Variants in IGSF23 observed in about 807,000 individuals in gnomAD.
IGSF23 encodes immunoglobulin superfamily, member 23.
Under a neutral mutation model 17.8 loss-of-function variants are expected in IGSF23, and 14 were observed. The observed-to-expected ratio is 0.79, with a 90% CI of 0.52 to 1.23. The LOEUF (loss-of-function observed/expected upper bound fraction) is 1.23. IGSF23 is among the 50% of genes most tolerant of loss of function. IGSF23 has a pLI of 0.00. For missense variants in IGSF23, 214 were observed against 241.7 expected, an observed-to-expected ratio of 0.89 and a Z score of 0.76; for synonymous variants, 85 against 92.5, an observed-to-expected ratio of 0.92 and a Z score of 0.46.
At chr19:44,615,603 A>C (rs1034257373) in intron 1 of IGSF23, among the ~76,000 whole-genome samples, 3 of 151,470 alleles carry the variant, frequency 2.0e-5, no homozygotes, top group Non-Finnish European at 2.9e-5. Flanking sequence ...AGCCTGAGCA[A>C]CAAGAGCGAA....
chr19:44,616,549 T>A (rs1416910258), intron 1 of IGSF23, among the ~76,000 whole-genome samples: 1 of 151,664 alleles, frequency 6.6e-6, no homozygotes, highest in Admixed American at 6.6e-5. Context: ...ACAAAAAAAT[T>A]AGCTGGGCGT....
In IGSF23 at chr19:44,613,598, G is replaced by A. The variant is rs1475759374; in HGVS notation, c.-48G>A. On this transcript the variant is annotated 5_prime_UTR_variant, in exon 1 of 5. Transcript: ENST00000402988. ...TTTGATGTGAGTGATAGGAGCGGGC[G>A]ATTCTGCTTCTCCCTCCATCTCCCG... is the stretch of plus-strand genomic sequence containing the variant. The A allele has an allele frequency of 1.4e-5, 21 of 1,503,708 alleles. No homozygotes were observed. Among genetic ancestry groups the A allele is most frequent in the Middle Eastern group, 1.7e-4 (1 of 5,802 alleles). 93.1% of individuals were successfully genotyped at this position (1,503,708 alleles called of 1,614,324 possible).
At chr19:44,629,769 G>A (rs1473236438) in intron 3 of IGSF23, among the ~76,000 whole-genome samples, 1 of 151,662 alleles carries the variant, frequency 6.6e-6, no homozygotes. Flanking sequence ...AAGTAGCTGG[G>A]ACTACAGGCG....
chr19:44,627,343 G>A, intron 2 of IGSF23, 77 bp from the exon 3 acceptor site: 2 of 1,366,234 alleles, frequency 1.5e-6, no homozygotes, highest in Non-Finnish European at 2.0e-6. Context: ...ACTTGGGAGG[G>A]GGAATGGCAG....
In IGSF23 at chr19:44,629,056, C is replaced by A. The variant is rs1370467099; in HGVS notation, c.545+1483C>A. Among the ~76,000 whole-genome samples, 3 of 152,182 alleles carry A rather than the reference C, an allele frequency of 2.0e-5. No individual in the cohort carries two copies. The East Asian group carries it at 5.8e-4, about 29-fold the overall frequency. On this transcript the variant is annotated intron_variant, in intron 3 of 4. Coordinates refer to ENST00000402988, the MANE Select transcript of IGSF23 (RefSeq NM_001205280.2). The stretch of plus-strand genomic sequence containing the variant: ...TGGCCAGAGTGGTGTGAAGAATGGG[C>A]AGAGAAGTAACATGTGGGTCAGAGA...
chr19:44,614,707 C>T (rs1972330683), intron 1 of IGSF23, among the ~76,000 whole-genome samples: 2 of 152,086 alleles, frequency 1.3e-5, no homozygotes, highest in Non-Finnish European at 2.9e-5. Flanking sequence ...GCCAGGATTA[C>T]AGGCGTGAGC....
At position 44,635,010 on chromosome 19, in the gene IGSF23, G is replaced by C. The variant is rs568598144; in HGVS notation, c.546-391G>C. On this transcript the variant is annotated intron_variant, in intron 3 of 4. Coordinates refer to ENST00000402988, the MANE Select transcript of IGSF23 (RefSeq NM_001205280.2). ...CTGTAACAAAAATGCTACAGACCGGGGGGGCTTAAACAACAAAAATTTATT... is the reference window on the plus strand; with the variant it reads ...CTGTAACAAAAATGCTACAGACCGGCGGGGCTTAAACAACAAAAATTTATT... Among the ~76,000 whole-genome samples the C allele has an allele frequency of 5.9e-5, 9 of 152,198 alleles. No individual in the cohort carries two copies. The South Asian group carries it at 1.9e-3, about 32-fold the overall frequency.
At chr19:44,628,092 A>C (rs909966887) in intron 3 of IGSF23, among the ~76,000 whole-genome samples, 3 of 151,812 alleles carry the variant, frequency 2.0e-5, no homozygotes, top group African/African-American at 7.3e-5. Flanking sequence ...TTACAGGTGC[A>C]TACCACCACG....
At chr19:44,622,517 A>G (rs1337098558) in intron 1 of IGSF23, among the ~76,000 whole-genome samples, 1 of 152,102 alleles carries the variant, frequency 6.6e-6, no homozygotes, top group East Asian at 1.9e-4. Flanking sequence ...AATGCAGACA[A>G]GAAGTGGGGA....
At chr19:44,614,697 G>A (rs955062693) in intron 1 of IGSF23, among the ~76,000 whole-genome samples, 11 of 152,044 alleles carry the variant, frequency 7.2e-5, no homozygotes, top group Admixed American at 6.5e-4. Flanking sequence ...CTCCCCAAGT[G>A]CCAGGATTAC....
At chr19:44,618,229 C>T (rs751626361) in intron 1 of IGSF23, 110 of 470,362 alleles carry the variant, frequency 2.3e-4, no homozygotes, top group Non-Finnish European at 2.5e-4. Flanking sequence ...GGGTATGACG[C>T]CCAGCCAGCA....
intron 2 of IGSF23, among the ~76,000 whole-genome samples, 154 bp from the exon 3 acceptor site, chr19:44,627,266 C>T (rs914149334): frequency 1.3e-5 from 2 of 151,654 alleles, no homozygotes; most frequent in Non-Finnish European, 1.5e-5. Flanking sequence ...TGGACTAGGG[C>T]AGGAGAGCAG....
At position 44,623,953 on chromosome 19, in the gene IGSF23, T is replaced by C; in HGVS notation, c.372T>C (p.Pro124=). The change falls in exon 2 of 5, where the codon CCT becomes CCC. Residue 124 remains proline (P), a synonymous_variant. Transcript: ENST00000402988. The part of the protein sequence containing the change: ...TNSKKQLVSE[P]VTISLPKPIM... ...GCAAGAAACAGCTGGTCTCTGAGCCTGTAACCATCTCGCTGCCAAGTGAGT... is the reference window on the plus strand; with the variant it reads ...GCAAGAAACAGCTGGTCTCTGAGCCCGTAACCATCTCGCTGCCAAGTGAGT... 6.5e-7 allele frequency: 1 copy of C among 1,550,042 alleles called. No individual in the cohort carries two copies. The highest frequency in any genetic ancestry group is 8.7e-7 in the Non-Finnish European group (1 of 1,146,680).
intron 2 of IGSF23, among the ~76,000 whole-genome samples, chr19:44,624,624 G>A (rs1347192586): frequency 6.6e-6 from 1 of 152,020 alleles, no homozygotes; most frequent in Non-Finnish European, 1.5e-5. Flanking sequence ...GGCTCAAAGA[G>A]GTTAACTATG....
chr19:44,635,166 C>T (rs1972860006), intron 3 of IGSF23, among the ~76,000 whole-genome samples: 1 of 152,164 alleles, frequency 6.6e-6, no homozygotes, highest in African/African-American at 2.4e-5. Flanking sequence ...TCTCTATGCT[C>T]ATCCCTGGGG....
At chr19:44,628,204 A>G (rs914165644) in intron 3 of IGSF23, among the ~76,000 whole-genome samples, 7 of 151,946 alleles carry the variant, frequency 4.6e-5, no homozygotes, top group African/African-American at 1.7e-4. Flanking sequence ...CAGCTTCCCA[A>G]AGTTTTGGGA....
At chr19:44,620,989 A>G (rs1234170112) in intron 1 of IGSF23, among the ~76,000 whole-genome samples, 2 of 152,144 alleles carry the variant, frequency 1.3e-5, no homozygotes, top group Non-Finnish European at 2.9e-5. Context: ...GAGCAAGTAA[A>G]TGTTAGCCCT....
chr19:44,630,328 C>T (rs1188250787), intron 3 of IGSF23, among the ~76,000 whole-genome samples: 1 of 152,212 alleles, frequency 6.6e-6, no homozygotes, highest in African/African-American at 2.4e-5. Flanking sequence ...CCCCTCAGCA[C>T]GTACCAGGTG....
chr19:44,615,448 A>G (rs143738561), intron 1 of IGSF23, among the ~76,000 whole-genome samples: 4,967 of 150,890 alleles, frequency 0.033, 282 homozygotes, highest in African/African-American at 0.11. Flanking sequence ...ACATGGAGAA[A>G]CCCCGTCTCT....
Sources: gnomAD v4.1 joint callset for allele counts (sites outside exome capture counted in the v4.1 genomes callset) on GRCh38, gnomAD v4.1.1 for gene constraint, MANE v1.5 for transcripts, NCBI Gene and HGNC (gene_info 2026-07-23, HGNC 2026-07-21) for gene names.